ST3GAL3: variants seen among roughly 807,000 people sequenced by gnomAD.
ST3GAL3 encodes the protein CMP-N-acetylneuraminate-beta-1,4-galactoside alpha-2,3-sialyltransferase.
ST3GAL3 carries 21 observed loss-of-function variants against 50.1 expected under a neutral mutation model. That is an observed-to-expected ratio of 0.42 (90% CI 0.30 to 0.60). The LOEUF (loss-of-function observed/expected upper bound fraction) is 0.60. ST3GAL3 is among the 20% of genes least tolerant of loss of function. The probability of loss-of-function intolerance (pLI) is 0.19; values close to 1 mark genes in which losing one functional copy is unlikely to be tolerated. For missense variants in ST3GAL3, 353 were observed against 489.4 expected (o/e 0.72, Z 2.63); for synonymous variants, 183 against 190.0 (o/e 0.96, Z 0.30).
chr1:43,918,143 G>T (rs1422596719), intron 9 of ST3GAL3, among the ~76,000 whole-genome samples: 2 of 88,426 alleles, frequency 2.3e-5, no homozygotes, highest in East Asian at 3.1e-4. Context: ...TTAAGAGAGG[G>T]TCTCACTCTG....
At chr1:43,894,827 G>T (rs1195873459) in intron 6 of ST3GAL3, among the ~76,000 whole-genome samples, 1 of 151,858 alleles carries the variant, frequency 6.6e-6, no homozygotes, top group Admixed American at 6.6e-5. Flanking sequence ...TAGAGACAGG[G>T]TTTTACCATG....
intron 2 of ST3GAL3, among the ~76,000 whole-genome samples, chr1:43,783,474 C>T (rs555299597): frequency 6.6e-6 from 1 of 152,152 alleles, no homozygotes; most frequent in Non-Finnish European, 1.5e-5. Flanking sequence ...ATTTGAGACT[C>T]GATAGAAAGG....
At chr1:43,900,076 C>G (rs2078031774) in intron 9 of ST3GAL3, among the ~76,000 whole-genome samples, 1 of 151,958 alleles carries the variant, frequency 6.6e-6, no homozygotes, top group South Asian at 2.1e-4. Context: ...TCAGGCCAGC[C>G]TTCGTATCAC....
intron 5 of ST3GAL3, among the ~76,000 whole-genome samples, chr1:43,873,457 A>G (rs1434263881): frequency 6.6e-6 from 1 of 152,162 alleles, no homozygotes; most frequent in Non-Finnish European, 1.5e-5. Flanking sequence ...AGAGTTTGAG[A>G]TGCCTCTTAG....
At chr1:43,715,416 A>T (rs1666882049) in intron 1 of ST3GAL3, among the ~76,000 whole-genome samples, 1 of 152,108 alleles carries the variant, frequency 6.6e-6, no homozygotes, top group Non-Finnish European at 1.5e-5. Flanking sequence ...TCTACCAAAA[A>T]TACAAAAAAA....
intron 5 of ST3GAL3, chr1:43,841,547 G>A (rs1449377242): frequency 6.6e-6 from 1 of 152,252 alleles, no homozygotes; most frequent in Non-Finnish European, 1.5e-5. Flanking sequence ...GCTAGAGCTG[G>A]AGCCGCCAGA....
At chr1:43,718,516 C>T (rs1392776529) in intron 1 of ST3GAL3, among the ~76,000 whole-genome samples, 1 of 141,802 alleles carries the variant, frequency 7.1e-6, no homozygotes, top group Non-Finnish European at 1.6e-5. Flanking sequence ...TGCCATCTTG[C>T]TTGAGTTTTT....
At chr1:43,738,648 C>A (rs1679533938) in intron 2 of ST3GAL3, 1 of 152,182 alleles carries the variant, frequency 6.6e-6, no homozygotes, top group Admixed American at 6.6e-5. Context: ...CAGACTCACA[C>A]CACCATTCCT....
At chr1:43,905,366 TTC>T (rs2079164085) in intron 9 of ST3GAL3, among the ~76,000 whole-genome samples, 1 of 68,038 alleles carries the variant, frequency 1.5e-5, no homozygotes, top group Admixed American at 1.5e-4. Flanking sequence ...CCTCCTTCTG[TTC>T]CTCTTCCCAC....
intron 2 of ST3GAL3, among the ~76,000 whole-genome samples, chr1:43,759,065 G>GCACACACACACACACACA (rs1553285693): frequency 4.0e-5 from 3 of 75,360 alleles, no homozygotes; most frequent in African/African-American, 1.2e-4. Context: ...AAAAGCGCGC[G>GCACACACACACACACACA]CACACACACA....
chr1:43,785,254 A>T (rs2057157450), intron 2 of ST3GAL3, among the ~76,000 whole-genome samples: 1 of 152,210 alleles, frequency 6.6e-6, no homozygotes, highest in Non-Finnish European at 1.5e-5. Flanking sequence ...ATAAAGCTAG[A>T]TTGGAGAAGA....
intron 1 of ST3GAL3, among the ~76,000 whole-genome samples, chr1:43,717,500 A>ATT (rs200100476): frequency 1.6e-4 from 23 of 142,004 alleles, no homozygotes; most frequent in South Asian, 4.5e-4. Flanking sequence ...TTCTTTTCTA[A>ATT]TTTTTTTTTT....
intron 3 of ST3GAL3, among the ~76,000 whole-genome samples, chr1:43,814,503 G>T (rs1361952319): frequency 6.6e-6 from 1 of 152,202 alleles, no homozygotes; most frequent in South Asian, 2.1e-4. Flanking sequence ...CATGGCTAAG[G>T]TGGCTGATTC....
At chr1:43,765,796 CGCGCGTCCGCGCGTCCGCG>C (rs1558203945) in intron 2 of ST3GAL3, among the ~76,000 whole-genome samples, 8 of 145,810 alleles carry the variant, frequency 5.5e-5, no homozygotes, top group Non-Finnish European at 8.9e-5. Flanking sequence ...CGCGCGCGCG[CGCGCGTCCGCGCGTCCGCG>C]TGCGCTTTTT....
chr1:43,741,565 C>T (rs562525101), intron 2 of ST3GAL3, among the ~76,000 whole-genome samples: 34 of 152,230 alleles, frequency 2.2e-4, no homozygotes, highest in Non-Finnish European at 3.2e-4. Flanking sequence ...GTTTAATAGA[C>T]GTAGGACATT....
intron 4 of ST3GAL3, among the ~76,000 whole-genome samples, chr1:43,825,979 T>C (rs969369922): frequency 4.6e-5 from 7 of 151,878 alleles, no homozygotes; most frequent in African/African-American, 1.7e-4. Flanking sequence ...TTAAAAAGAA[T>C]AATGGGCCGG....
At chr1:43,901,860 G>A (rs916292573) in intron 9 of ST3GAL3, among the ~76,000 whole-genome samples, 1 of 152,196 alleles carries the variant, frequency 6.6e-6, no homozygotes, top group African/African-American at 2.4e-5. Flanking sequence ...AATTACTGTG[G>A]GCCTTCCTTG....
At position 43,894,489 on chromosome 1, in the gene ST3GAL3, A is replaced by G. The variant is rs1438081134; in HGVS notation, c.397+12A>G. 4 of 1,611,320 alleles carry G rather than the reference A, an allele frequency of 2.5e-6. No individual in the cohort carries two copies. The East Asian group carries it at 6.7e-5, about 27-fold the overall frequency. ...GATCAAAGGTCAAGGTATGTTGGGA[A>G]CCCTGACCTACATTAACATCTCATC... On this transcript the variant is annotated intron_variant, in intron 6 of 11. Transcript: ENST00000347631.
chr1:43,805,724 G>A (rs556647122), intron 3 of ST3GAL3, among the ~76,000 whole-genome samples: 3 of 152,192 alleles, frequency 2.0e-5, no homozygotes, highest in Non-Finnish European at 2.9e-5. Context: ...GGGAGGACAA[G>A]GAACGCTCTT....
Sources: gnomAD v4.1 joint callset for allele counts (sites outside exome capture counted in the v4.1 genomes callset) on GRCh38, gnomAD v4.1.1 for gene constraint, MANE v1.5 for transcripts, NCBI Gene and HGNC (gene_info 2026-07-23, HGNC 2026-07-21) for gene names.